Variants in THSD7B observed in about 807,000 individuals in gnomAD.
The protein encoded by THSD7B is thrombospondin type 1 domain containing 7B, also known as thrombospondin type-1 domain-containing protein 7B.
THSD7B carries 138 observed loss-of-function variants against 213.6 expected under a neutral mutation model. The observed-to-expected ratio is 0.65, with a 90% CI of 0.56 to 0.74. The LOEUF (loss-of-function observed/expected upper bound fraction) is 0.74, where lower values mean the gene tolerates loss of function less well. Ranked by LOEUF, THSD7B falls within the 30% of genes least tolerant of loss-of-function variation. The pLI is 0.00. For missense variants in THSD7B, 1,931 were observed against 1,991.5 expected (o/e 0.97, Z 0.58); for synonymous variants, 742 against 687.0 (o/e 1.08, Z -1.25).
intron 1 of THSD7B, among the ~76,000 whole-genome samples, chr2:136,841,476 A>G (rs930937004): frequency 6.6e-6 from 1 of 151,332 alleles, no homozygotes; most frequent in Non-Finnish European, 1.5e-5. Context: ...GTGCACCTAC[A>G]GTCCCAGCTA....
chr2:137,304,254 A>G (rs982461267), intron 12 of THSD7B, among the ~76,000 whole-genome samples: 1 of 152,140 alleles, frequency 6.6e-6, no homozygotes, highest in Non-Finnish European at 1.5e-5. Flanking sequence ...TTGCACCACT[A>G]ATGTCTAAAC....
chr2:137,439,571 C>T (rs1392519854), intron 14 of THSD7B, among the ~76,000 whole-genome samples: 1 of 151,864 alleles, frequency 6.6e-6, no homozygotes, highest in Non-Finnish European at 1.5e-5. Flanking sequence ...AGTCAGGAAA[C>T]AAAATTATTG....
intron 15 of THSD7B, among the ~76,000 whole-genome samples, chr2:137,554,339 T>C (rs1325429713): frequency 6.6e-6 from 1 of 152,046 alleles, no homozygotes; most frequent in Non-Finnish European, 1.5e-5. Context: ...AAACACACCC[T>C]CTCCCTACAG....
chr2:137,078,163 C>G (rs866707035), intron 3 of THSD7B, among the ~76,000 whole-genome samples: 16 of 152,268 alleles, frequency 1.1e-4, no homozygotes, highest in African/African-American at 2.4e-4. Flanking sequence ...TCTGAGGGCT[C>G]TGTTCTGTTC....
At chr2:137,013,316 G>A (rs1015788291) in intron 2 of THSD7B, among the ~76,000 whole-genome samples, 3 of 152,160 alleles carry the variant, frequency 2.0e-5, no homozygotes, top group Admixed American at 6.5e-5. Context: ...GTAATGAGGT[G>A]AGTGCTACAG....
intron 12 of THSD7B, among the ~76,000 whole-genome samples, chr2:137,377,821 T>G (rs1685692661): frequency 6.6e-6 from 1 of 151,980 alleles, no homozygotes; most frequent in South Asian, 2.1e-4. Context: ...GAGACAGGGT[T>G]TCACCATGTT....
chr2:137,652,859 A>G (rs1227354974), intron 21 of THSD7B, among the ~76,000 whole-genome samples: 1 of 152,112 alleles, frequency 6.6e-6, no homozygotes, highest in African/African-American at 2.4e-5. Flanking sequence ...TTTGCCCCCG[A>G]CATTTTGACT....
chr2:137,493,962 T>C (rs1257041682), intron 15 of THSD7B, among the ~76,000 whole-genome samples: 1 of 152,214 alleles, frequency 6.6e-6, no homozygotes, highest in African/African-American at 2.4e-5. Flanking sequence ...AGCTGCTTCA[T>C]AATTAAATTT....
intron 12 of THSD7B, among the ~76,000 whole-genome samples, chr2:137,386,537 A>C (rs1210031939): frequency 1.3e-5 from 2 of 152,172 alleles, no homozygotes; most frequent in African/African-American, 4.8e-5. Context: ...AATAAATTCT[A>C]TCCTTTTTCT....
At chr2:137,563,383 T>C (rs780268800) in intron 16 of THSD7B, 29 bp downstream of exon 16, 4 of 1,609,482 alleles carry the variant, frequency 2.5e-6, no homozygotes, top group South Asian at 2.2e-5. Flanking sequence ...ATTTGGGAAA[T>C]AGGGGGAAGT....
At chr2:136,857,258 T>C (rs1683192014) in intron 1 of THSD7B, among the ~76,000 whole-genome samples, 1 of 152,220 alleles carries the variant, frequency 6.6e-6, no homozygotes, top group Non-Finnish European at 1.5e-5. Flanking sequence ...TGATCTGTCC[T>C]TGGGTCACCA....
chr2:137,558,525 A>G (rs1409008282), intron 15 of THSD7B, among the ~76,000 whole-genome samples: 1 of 152,230 alleles, frequency 6.6e-6, no homozygotes, highest in Non-Finnish European at 1.5e-5. Context: ...CCTTCATTCT[A>G]AAAACTCTCA....
At chr2:137,593,743 TG>T (rs771008252) in intron 17 of THSD7B, among the ~76,000 whole-genome samples, 40 of 152,132 alleles carry the variant, frequency 2.6e-4, no homozygotes, top group East Asian at 9.6e-4. Context: ...TTTATCACAA[TG>T]TTTTTTTGTG....
Position 137,059,671 on chromosome 2 carries a change from C to T in THSD7B, c.950+2441C>T, listed in dbSNP as rs190801693. 5.9e-5 allele frequency among the ~76,000 whole-genome samples: 9 copies of T among 151,758 alleles called. No homozygotes were observed. The South Asian group carries it at 1.0e-3, about 17-fold the overall frequency. On this transcript the variant is annotated intron_variant, in intron 3 of 27. Transcript: ENST00000409968. The stretch of plus-strand genomic sequence containing the variant: ...GGTTGACTTATTTCACTTTGCAATA[C>T]GCATTTAAGTTTGTTCCATGTCTGT...
intron 1 of THSD7B, among the ~76,000 whole-genome samples, chr2:136,801,509 A>G (rs1397131690): frequency 6.6e-6 from 1 of 152,096 alleles, no homozygotes; most frequent in Non-Finnish European, 1.5e-5. Flanking sequence ...CTTCTCAGAA[A>G]GGCTTATTTT....
chr2:137,313,796 G>A (rs1345081296), intron 12 of THSD7B, among the ~76,000 whole-genome samples: 1 of 152,126 alleles, frequency 6.6e-6, no homozygotes, highest in East Asian at 1.9e-4. Flanking sequence ...GAAATTCTGG[G>A]TTGAAAATTC....
intron 2 of THSD7B, among the ~76,000 whole-genome samples, chr2:136,903,925 G>A (rs1378573350): frequency 1.8e-5 from 2 of 108,722 alleles, no homozygotes; most frequent in Non-Finnish European, 4.0e-5. Context: ...CTTCCTGTGA[G>A]GTGTGTGTGT....
intron 14 of THSD7B, among the ~76,000 whole-genome samples, chr2:137,424,104 G>A (rs1199292600): frequency 1.9e-5 from 2 of 105,780 alleles, no homozygotes; most frequent in African/African-American, 5.2e-5. Context: ...ACAACTGAAT[G>A]TCTATATGCC....
At chr2:137,363,743 C>G (rs1271183154) in intron 12 of THSD7B, among the ~76,000 whole-genome samples, 3 of 152,074 alleles carry the variant, frequency 2.0e-5, no homozygotes, top group Non-Finnish European at 4.4e-5. Flanking sequence ...GAGGCAATAA[C>G]CAATAGCATA....
Sources: gnomAD v4.1 joint callset for allele counts (sites outside exome capture counted in the v4.1 genomes callset) on GRCh38, gnomAD v4.1.1 for gene constraint, MANE v1.5 for transcripts, NCBI Gene and HGNC (gene_info 2026-07-23, HGNC 2026-07-21) for gene names.